Variants in PRKN observed in about 807,000 individuals in gnomAD.
PRKN encodes the protein E3 ubiquitin-protein ligase parkin.
Under a neutral mutation model 59.5 loss-of-function variants are expected in PRKN, and 56 were observed. That is an observed-to-expected ratio of 0.94 (90% CI 0.76 to 1.18). PRKN has a LOEUF of 1.18. Ranked by LOEUF, PRKN falls within the 50% of genes most tolerant of loss-of-function variation. The pLI is 0.00. For synonymous variants in PRKN, 250 were observed against 222.1 expected (o/e 1.13, Z -1.12); for missense variants, 657 against 596.4 (o/e 1.10, Z -1.06).
At chr6:162,575,129 T>C (rs1183739475) in intron 1 of PRKN, among the ~76,000 whole-genome samples, 3 of 152,210 alleles carry the variant, frequency 2.0e-5, no homozygotes, top group Admixed American at 2.0e-4. Context: ...AGGCCTCTTC[T>C]ATGCCATGGA....
intron 6 of PRKN, among the ~76,000 whole-genome samples, chr6:161,958,528 T>G (rs1434544528): frequency 2.6e-5 from 4 of 152,150 alleles, no homozygotes; most frequent in Admixed American, 2.6e-4. Context: ...TAATTAAAAC[T>G]CTGTTTTTTC....
At chr6:161,797,944 G>A (rs1790918944) in intron 6 of PRKN, among the ~76,000 whole-genome samples, 1 of 152,208 alleles carries the variant, frequency 6.6e-6, no homozygotes, top group African/African-American at 2.4e-5. Flanking sequence ...GCTCATGCCT[G>A]TAATCCCAGC....
chr6:161,603,704 G>A (rs2128144092), intron 7 of PRKN, among the ~76,000 whole-genome samples: 1 of 152,268 alleles, frequency 6.6e-6, no homozygotes, highest in East Asian at 1.9e-4. Flanking sequence ...GGGGTTTGGG[G>A]AAGTAGCAGA....
intron 8 of PRKN, among the ~76,000 whole-genome samples, chr6:161,564,594 C>T (rs1332038599): frequency 6.6e-6 from 1 of 152,344 alleles, no homozygotes. Flanking sequence ...CCCAGTACCA[C>T]AAAGCATTGC....
intron 1 of PRKN, among the ~76,000 whole-genome samples, chr6:162,675,071 G>T (rs1258537391): frequency 6.6e-6 from 1 of 151,192 alleles, no homozygotes; most frequent in African/African-American, 2.4e-5. Flanking sequence ...TTTATGAAAC[G>T]GAGTCTGGCT....
chr6:162,202,445 A>T (rs1583191520), intron 3 of PRKN, among the ~76,000 whole-genome samples: 1 of 152,174 alleles, frequency 6.6e-6, no homozygotes, highest in Non-Finnish European at 1.5e-5. Context: ...GTAAAGTTTC[A>T]TGGTTTTATC....
chr6:162,448,844 TCCTC>T (rs1790447897), intron 1 of PRKN, among the ~76,000 whole-genome samples: 1 of 145,522 alleles, frequency 6.9e-6, no homozygotes, highest in Non-Finnish European at 1.5e-5. Context: ...CTCCTTCCCT[TCCTC>T]CCTCCCTCCT....
At chr6:162,166,396 C>G (rs916448321) in intron 4 of PRKN, among the ~76,000 whole-genome samples, 2 of 152,138 alleles carry the variant, frequency 1.3e-5, no homozygotes, top group African/African-American at 4.8e-5. Context: ...GGGCTTGGAA[C>G]TGACCAGGAA....
At position 161,401,041 on chromosome 6, in the gene PRKN, T is replaced by C. The variant is rs1216670536; in HGVS notation, c.1084-14164A>G. On this transcript the variant is annotated intron_variant, in intron 9 of 11. Transcript: ENST00000366898. The surrounding 1 kb of genome is among the most constrained non-coding windows in gnomAD (Gnocchi z 4.4). ...TGATGGCTGCAGCACCATCCTTCAT[T>C]ATAGAATGAGCTTAATAAACACGAA... is the stretch of plus-strand genomic sequence containing the variant. Among the ~76,000 whole-genome samples the C allele has an allele frequency of 2.6e-5, 4 of 152,128 alleles. No homozygotes were observed. The East Asian group carries it at 5.8e-4, about 22-fold the overall frequency.
chr6:161,741,360 T>C (rs1346790305), intron 7 of PRKN, among the ~76,000 whole-genome samples: 1 of 152,070 alleles, frequency 6.6e-6, no homozygotes, highest in South Asian at 2.1e-4. Flanking sequence ...AACAAGACAC[T>C]CGATGAGACA....
intron 7 of PRKN, among the ~76,000 whole-genome samples, chr6:161,694,198 T>C (rs577855124): frequency 1.3e-5 from 2 of 152,270 alleles, no homozygotes; most frequent in East Asian, 1.9e-4. Context: ...CTTCCATCCA[T>C]AGTTTACAGC....
chr6:161,508,967 C>G (rs557514544), intron 9 of PRKN, among the ~76,000 whole-genome samples: 32 of 152,216 alleles, frequency 2.1e-4, no homozygotes, highest in African/African-American at 7.0e-4. Context: ...GCCTCAGCCT[C>G]CCAAGTAGCT....
intron 2 of PRKN, among the ~76,000 whole-genome samples, chr6:162,396,283 A>T (rs1373789980): frequency 3.9e-5 from 6 of 152,182 alleles, no homozygotes; most frequent in Non-Finnish European, 1.5e-5. Flanking sequence ...GATTCGGAGT[A>T]GTTGAGGATG....
chr6:161,790,752 G>A (rs1415035820), intron 6 of PRKN, among the ~76,000 whole-genome samples: 1 of 152,156 alleles, frequency 6.6e-6, no homozygotes, highest in African/African-American at 2.4e-5. Context: ...TAAGCCACCA[G>A]TTTATGGGAT....
rs142467118 is a variant in PRKN, at chr6:161,549,935, A to G, written c.934-932T>C. Among the ~76,000 whole-genome samples the G allele has an allele frequency of 4.2e-3, 634 of 152,282 alleles. 2 individuals carry two copies. The highest frequency in any genetic ancestry group is 0.014 in the African/African-American group (571 of 41,562). On this transcript the variant is annotated intron_variant, in intron 8 of 11. Coordinates refer to ENST00000366898, the MANE Select transcript of PRKN (RefSeq NM_004562.3). This position sits in a 1 kb window ranked among gnomAD's most constrained non-coding sequence, Gnocchi z 6.0. Reference sequence around the variant, plus strand: ...GAGGTTAGAATGTCTAGGATTTCCAATGGTGCTAAGTGAGGAAGAAAATAA... The same window carrying G: ...GAGGTTAGAATGTCTAGGATTTCCAGTGGTGCTAAGTGAGGAAGAAAATAA...
intron 1 of PRKN, among the ~76,000 whole-genome samples, chr6:162,602,364 T>C (rs1011431941): frequency 6.6e-6 from 1 of 151,972 alleles, no homozygotes; most frequent in African/African-American, 2.4e-5. Flanking sequence ...ATCAAGTCAG[T>C]AGGAGTGGAG....
intron 7 of PRKN, among the ~76,000 whole-genome samples, chr6:161,702,139 T>TA (rs962055764): frequency 6.6e-6 from 1 of 152,222 alleles, no homozygotes; most frequent in Non-Finnish European, 1.5e-5. Flanking sequence ...TTAAAAAATA[T>TA]AAATGCCTTA....
At chr6:161,686,729 T>A (rs111793476) in intron 7 of PRKN, among the ~76,000 whole-genome samples, 4 of 152,206 alleles carry the variant, frequency 2.6e-5, no homozygotes, top group Non-Finnish European at 5.9e-5. Flanking sequence ...TCTGCCTTCG[T>A]ATCTTTGCTA....
intron 2 of PRKN, among the ~76,000 whole-genome samples, chr6:162,344,612 C>T (rs1467485548): frequency 2.7e-5 from 3 of 112,048 alleles, no homozygotes; most frequent in African/African-American, 7.9e-5. Flanking sequence ...AGAAAAATGG[C>T]GTCTTTATGA....
Sources: gnomAD v4.1 joint callset for allele counts (sites outside exome capture counted in the v4.1 genomes callset) on GRCh38, gnomAD v4.1.1 for gene constraint, Gnocchi (gnomAD v3.1) non-coding constraint, MANE v1.5 for transcripts, NCBI Gene and HGNC (gene_info 2026-07-23, HGNC 2026-07-21) for gene names.